The following LRRC74A variants were observed in gnomAD, a reference collection of about 807,000 sequenced individuals.
The protein encoded by LRRC74A is leucine rich repeat containing 74A.
A neutral mutation model predicts 57.9 loss-of-function variants in LRRC74A; 44 were observed. The ratio of observed to expected loss-of-function variants is 0.76; its 90% CI spans 0.60 to 0.98. LRRC74A has a LOEUF of 0.98. Ranked by LOEUF, LRRC74A falls within the 50% of genes least tolerant of loss-of-function variation. The pLI is 0.00. For missense variants in LRRC74A, 572 were observed against 574.0 expected, an observed-to-expected ratio of 1.00 and a Z score of 0.04; for synonymous variants, 211 against 219.4, an observed-to-expected ratio of 0.96 and a Z score of 0.34.
rs367657839 is a variant in LRRC74A, at chr14:76,855,110, C to T, written c.957+1700C>T. Among the ~76,000 whole-genome samples, 6 of 152,190 alleles carry T rather than the reference C, an allele frequency of 3.9e-5. No individual in the cohort carries two copies. In the East Asian group the frequency reaches 5.8e-4, roughly 15 times the overall value. On this transcript the variant is annotated intron_variant, in intron 9 of 13. Coordinates refer to ENST00000689127, the MANE Select transcript of LRRC74A (RefSeq NM_001385106.1). ...TGAGGAGACAGTGAGGAAGGGGCTG[C>T]CATCTGAGAGGACAACCATGAGGAG... is the stretch of plus-strand genomic sequence containing the variant.
intron 3 of LRRC74A, among the ~76,000 whole-genome samples, chr14:76,832,661 T>C (rs891339594): frequency 1.3e-5 from 2 of 152,056 alleles, no homozygotes; most frequent in African/African-American, 4.8e-5. Context: ...AAAATTAGGA[T>C]CATTGATTGG....
chr14:76,844,758 A>T, intron 6 of LRRC74A, 62 bp from the exon 7 acceptor site: 1 of 918,472 alleles, frequency 1.1e-6, no homozygotes, highest in Non-Finnish European at 1.8e-6. Context: ...GCCCTGAGAT[A>T]AGTAAGATAT....
At chr14:76,867,225 GTA>G in intron 12 of LRRC74A, 129 bp from the exon 13 acceptor site, 1 of 374,660 alleles carries the variant, frequency 2.7e-6, no homozygotes, top group African/African-American at 3.5e-5. Context: ...TGTGTGTGTG[GTA>G]GTGTGTGTGG....
chr14:76,831,627 T>C (rs1174158600), intron 3 of LRRC74A, among the ~76,000 whole-genome samples: 2 of 152,128 alleles, frequency 1.3e-5, no homozygotes, highest in African/African-American at 2.4e-5. Context: ...GAAGTCTATA[T>C]ACTCTTTGCT....
rs936122634 is a variant in LRRC74A, at chr14:76,853,285, G to C, written c.832G>C (p.Gly278Arg). The C allele has an allele frequency of 1.2e-6, 2 of 1,613,554 alleles. No individual in the cohort carries two copies. The highest frequency in any genetic ancestry group is 2.7e-5 in the African/African-American group (2 of 74,904). ...TGGGAATGAGGTGGCTCTGGCCCTA[G>C]GGGAAGTCCTCCGACTCAACCGCTG... Reference protein sequence around the residue: ...GFGNEVALALGEVLRLNRCLV... With the variant: ...GFGNEVALALREVLRLNRCLV... The change falls in exon 9 of 14, where the codon GGG (glycine) becomes CGG (arginine). Residue 278 changes from glycine to arginine, a missense_variant. Gly to Arg is a moderately radical substitution (Grantham distance 125, BLOSUM62 -2). Transcript: ENST00000689127.
intron 3 of LRRC74A, 93 bp downstream of exon 3, chr14:76,831,468 C>T: frequency 7.4e-7 from 1 of 1,358,372 alleles, no homozygotes; most frequent in South Asian, 1.3e-5. Context: ...TCCTATGGAG[C>T]CTAAACCCAC....
intron 2 of LRRC74A, among the ~76,000 whole-genome samples, chr14:76,830,757 C>T (rs538946652): frequency 3.3e-5 from 5 of 152,228 alleles, no homozygotes; most frequent in African/African-American, 1.2e-4. Flanking sequence ...GACTCACAAC[C>T]TTGTGATAGT....
chr14:76,861,343 G>A (rs1021858937), intron 11 of LRRC74A, among the ~76,000 whole-genome samples: 13 of 152,158 alleles, frequency 8.5e-5, no homozygotes, highest in African/African-American at 2.9e-4. Flanking sequence ...ACATCCCTGC[G>A]GTCAGGATGG....
At chr14:76,865,741 A>T (rs941610577) in intron 11 of LRRC74A, among the ~76,000 whole-genome samples, 4 of 152,244 alleles carry the variant, frequency 2.6e-5, no homozygotes, top group Admixed American at 6.5e-5. Context: ...GCACACAGGA[A>T]TCATCCCGGC....
chr14:76,831,515 C>T (rs1895972269), intron 3 of LRRC74A, 140 bp downstream of exon 3: 1 of 888,890 alleles, frequency 1.1e-6, no homozygotes, highest in Non-Finnish European at 1.7e-6. Flanking sequence ...CTGGGCTCTG[C>T]TTGGCTGCCA....
chr14:76,831,523 C>T, intron 3 of LRRC74A, 148 bp downstream of exon 3: 1 of 842,194 alleles, frequency 1.2e-6, no homozygotes, highest in Non-Finnish European at 1.8e-6. Context: ...TGCTTGGCTG[C>T]CAGATGATTT....
intron 8 of LRRC74A, 149 bp downstream of exon 8, chr14:76,852,599 T>C (rs2140295330): frequency 4.6e-6 from 2 of 437,834 alleles, no homozygotes; most frequent in Non-Finnish European, 3.9e-6. Flanking sequence ...TTGTTCTCCC[T>C]CCCACAATTC....
chr14:76,866,907 T>G (rs1898848148), intron 12 of LRRC74A, among the ~76,000 whole-genome samples: 1 of 129,926 alleles, frequency 7.7e-6, no homozygotes, highest in Admixed American at 8.7e-5. Flanking sequence ...GAGTGAGGCA[T>G]TGTGTGGGGT....
Position 76,870,228 on chromosome 14 carries a change from G to C in LRRC74A, c.*79G>C. 2 of 1,480,082 alleles carry C rather than the reference G, an allele frequency of 1.4e-6. No individual in the cohort carries two copies. Among genetic ancestry groups the C allele is most frequent in the Admixed American group, 3.8e-5 (2 of 52,274 alleles). 91.7% of individuals were successfully genotyped at this position (1,480,082 alleles called of 1,614,324 possible). A position where few individuals can be genotyped will look rare whatever the true frequency, so the allele number is the denominator to read the frequency against. ...ATGGTGGCAGGGAGGAGAGCAAGAG[G>C]TGGCTGAAATCTCGATGGACAGATG... On this transcript the variant is annotated 3_prime_UTR_variant, in exon 14 of 14. Transcript: ENST00000689127.
rs186182862 is a variant in LRRC74A, at chr14:76,864,554, A to G, written c.1201-1414A>G. 6.4e-4 allele frequency among the ~76,000 whole-genome samples: 97 copies of G among 152,238 alleles called. 1 individual carries two copies. Among genetic ancestry groups the G allele is most frequent in the African/African-American group, 2.1e-3 (88 of 41,540 alleles). ...AAAATACTTAAAAAGGACCAAAAAG[A>G]ATATTGTAATATTGTAAGGCCGGAT... On this transcript the variant is annotated intron_variant, in intron 11 of 13. Transcript: ENST00000689127.
At chr14:76,853,841 C>T (rs537472756) in intron 9 of LRRC74A, among the ~76,000 whole-genome samples, 1 of 152,240 alleles carries the variant, frequency 6.6e-6, no homozygotes, top group Non-Finnish European at 1.5e-5. Flanking sequence ...CAACCTCCGC[C>T]TCCCAGGTTC....
chr14:76,826,769 C>A, intron 1 of LRRC74A, 35 bp downstream of exon 1: 1 of 1,395,310 alleles, frequency 7.2e-7, no homozygotes, highest in Non-Finnish European at 9.6e-7. Flanking sequence ...CACTCAGGCC[C>A]GTCCCTGCTG....
At chr14:76,852,925 A>G (rs980230007) in intron 8 of LRRC74A, among the ~76,000 whole-genome samples, 15 of 152,100 alleles carry the variant, frequency 9.9e-5, no homozygotes, top group Admixed American at 1.3e-4. Flanking sequence ...CCTGCACATT[A>G]TTCTTTAGTA....
chr14:76,834,555 T>C (rs1239033759), intron 3 of LRRC74A, among the ~76,000 whole-genome samples: 1 of 152,246 alleles, frequency 6.6e-6, no homozygotes, highest in African/African-American at 2.4e-5. Context: ...TCCTTGTGTG[T>C]ATCCCTCGAC....
Sources: allele counts gnomAD v4.1 joint callset (sites outside exome capture counted in the v4.1 genomes callset), GRCh38; gene constraint gnomAD v4.1.1; transcripts MANE v1.5; gene names NCBI Gene and HGNC (gene_info 2026-07-23, HGNC 2026-07-21).